The following PDZD2 variants were observed in gnomAD, a reference collection of about 807,000 sequenced individuals.
PDZD2 encodes the protein PDZ domain-containing protein 2.
In PDZD2, 90 loss-of-function variants were observed where a neutral mutation model predicts 220.7. That is an observed-to-expected ratio of 0.41 (90% CI 0.34 to 0.49). The LOEUF (loss-of-function observed/expected upper bound fraction) is 0.49, where lower values mean the gene tolerates loss of function less well. PDZD2 is among the 20% of genes least tolerant of loss of function. The pLI, the probability that PDZD2 is intolerant of heterozygous loss-of-function variation, is 0.28. For synonymous variants in PDZD2, 1,375 were observed against 1,450.5 expected, an observed-to-expected ratio of 0.95 and a Z score of 1.18; for missense variants, 3,174 against 3,608.5, an observed-to-expected ratio of 0.88 and a Z score of 3.08.
At chr5:32,100,787 T>C in intron 23 of PDZD2, 1 of 828,682 alleles carries the variant, frequency 1.2e-6, no homozygotes, top group Non-Finnish European at 1.8e-6. Flanking sequence ...ACAGCCGGTG[T>C]GGGGGGCTTA....
intron 5 of PDZD2, among the ~76,000 whole-genome samples, chr5:32,003,032 T>C (rs1300185430): frequency 2.5e-5 from 2 of 79,062 alleles, no homozygotes; most frequent in African/African-American, 1.0e-4. Flanking sequence ...ACCACATGCA[T>C]ACCATACACA....
chr5:31,818,160 T>C (rs1249895051), intron 2 of PDZD2, among the ~76,000 whole-genome samples: 1 of 151,720 alleles, frequency 6.6e-6, no homozygotes, highest in East Asian at 1.9e-4. Context: ...TTTTTAGAGA[T>C]GGGGTTTCGC....
chr5:31,900,973 A>C (rs1348825122), intron 2 of PDZD2, among the ~76,000 whole-genome samples: 1 of 152,202 alleles, frequency 6.6e-6, no homozygotes, highest in Non-Finnish European at 1.5e-5. Flanking sequence ...ATTAAGAAAT[A>C]ACTTAATTTT....
chr5:31,676,560 T>C (rs759244372), intron 1 of PDZD2, among the ~76,000 whole-genome samples: 73 of 149,020 alleles, frequency 4.9e-4, no homozygotes, highest in Non-Finnish European at 9.3e-4. Flanking sequence ...ACAATTTCTT[T>C]GCTTTCTCTT....
At position 31,759,064 on chromosome 5, in the gene PDZD2, T is replaced by C. The variant is rs558736365; in HGVS notation, c.-360-39825T>C. Among the ~76,000 whole-genome samples the C allele has an allele frequency of 1.3e-5, 2 of 152,118 alleles. 1 individual carries two copies. The highest frequency in any genetic ancestry group is 4.8e-5 in the African/African-American group (2 of 41,516). ...CCAATTTTAACCCCATAAGCAAGAC[T>C]CTTAGAACCCAGGAGTGGTGAGCTC... On this transcript the variant is annotated intron_variant, in intron 1 of 24. Coordinates refer to ENST00000438447, the MANE Select transcript of PDZD2 (RefSeq NM_178140.4).
chr5:31,857,743 G>C (rs2150308011), intron 2 of PDZD2, among the ~76,000 whole-genome samples: 1 of 152,290 alleles, frequency 6.6e-6, no homozygotes, highest in East Asian at 1.9e-4. Flanking sequence ...TAGGCTTCCA[G>C]TGGGCTTTCT....
intron 6 of PDZD2, among the ~76,000 whole-genome samples, chr5:32,021,274 T>C (rs1754182292): frequency 7.2e-6 from 1 of 139,416 alleles, no homozygotes; most frequent in Non-Finnish European, 1.5e-5. Context: ...TTTTTAATTG[T>C]TGTTGTTTTT....
rs562989261 is a variant in PDZD2, at chr5:31,827,712, A to T, written c.476+27988A>T. 7.2e-4 allele frequency among the ~76,000 whole-genome samples: 109 copies of T among 151,834 alleles called. 1 individual carries two copies. The East Asian group carries it at 0.015, about 20-fold the overall frequency. On this transcript the variant is annotated intron_variant, in intron 2 of 24. Coordinates refer to ENST00000438447, the MANE Select transcript of PDZD2 (RefSeq NM_178140.4). Reference sequence around the variant, plus strand: ...GTCTCAAAAAAAATAAATAAATAAAAAAATAAAAATAATTTTAAAATGGCT... The same window carrying T: ...GTCTCAAAAAAAATAAATAAATAAATAAATAAAAATAATTTTAAAATGGCT...
At chr5:31,795,679 T>C (rs534250481) in intron 1 of PDZD2, among the ~76,000 whole-genome samples, 2 of 152,220 alleles carry the variant, frequency 1.3e-5, no homozygotes, top group Non-Finnish European at 2.9e-5. Context: ...GAGTGTTTTA[T>C]TGGATCTTGT....
intron 1 of PDZD2, among the ~76,000 whole-genome samples, chr5:31,721,765 G>T (rs1479171810): frequency 6.6e-6 from 1 of 150,956 alleles, no homozygotes; most frequent in Non-Finnish European, 1.5e-5. Flanking sequence ...AGTCTTAGCA[G>T]TGCCTTGCAG....
chr5:31,740,599 G>A (rs1036666298), intron 1 of PDZD2, among the ~76,000 whole-genome samples: 2 of 146,560 alleles, frequency 1.4e-5, no homozygotes, highest in Admixed American at 1.4e-4. Flanking sequence ...AAGGGTTTTG[G>A]TACCCACTGA....
At chr5:32,096,446 T>C (rs1743708166) in intron 21 of PDZD2, among the ~76,000 whole-genome samples, 1 of 152,094 alleles carries the variant, frequency 6.6e-6, no homozygotes, top group Non-Finnish European at 1.5e-5. Flanking sequence ...GCCTCCCAAG[T>C]AGCTGGAATT....
intron 2 of PDZD2, among the ~76,000 whole-genome samples, chr5:31,946,076 C>G (rs1023310319): frequency 1.3e-5 from 2 of 152,230 alleles, no homozygotes; most frequent in African/African-American, 4.8e-5. Flanking sequence ...GATCCCGGCG[C>G]ACTGCAACCT....
chr5:32,003,123 C>CCA (rs1424072293), intron 5 of PDZD2, among the ~76,000 whole-genome samples: 5 of 33,628 alleles, frequency 1.5e-4, no homozygotes, highest in African/African-American at 2.2e-4. Context: ...ACACCACGCG[C>CCA]CACACACACA....
At chr5:32,068,277 C>T (rs1740408158) in intron 14 of PDZD2, among the ~76,000 whole-genome samples, 1 of 152,138 alleles carries the variant, frequency 6.6e-6, no homozygotes, top group Admixed American at 6.6e-5. Flanking sequence ...GGAGCTGTTT[C>T]AGATTAAAGG....
At chr5:31,971,424 A>AT (rs1237865839) in intron 2 of PDZD2, among the ~76,000 whole-genome samples, 1 of 152,176 alleles carries the variant, frequency 6.6e-6, no homozygotes, top group Non-Finnish European at 1.5e-5. Context: ...ATATAATTAC[A>AT]TCCTAAATGC....
intron 1 of PDZD2, among the ~76,000 whole-genome samples, chr5:31,720,630 C>G (rs182029210): frequency 6.6e-6 from 1 of 152,096 alleles, no homozygotes; most frequent in Non-Finnish European, 1.5e-5. Flanking sequence ...AAGTTTGGAC[C>G]GCCATGAAGA....
intron 1 of PDZD2, among the ~76,000 whole-genome samples, chr5:31,668,681 T>G (rs1746096441): frequency 6.6e-6 from 1 of 152,198 alleles, no homozygotes; most frequent in South Asian, 2.1e-4. Context: ...ACATTAATCT[T>G]ATTTGTGGGC....
intron 14 of PDZD2, among the ~76,000 whole-genome samples, chr5:32,063,194 G>A (rs1370350148): frequency 2.6e-5 from 4 of 151,956 alleles, no homozygotes; most frequent in South Asian, 4.2e-4. Flanking sequence ...ACAGGCATGC[G>A]CCACCATGCC....
Sources: allele counts gnomAD v4.1 joint callset (sites outside exome capture counted in the v4.1 genomes callset), GRCh38; gene constraint gnomAD v4.1.1; transcripts MANE v1.5; gene names NCBI Gene and HGNC (gene_info 2026-07-23, HGNC 2026-07-21).